Variants in FGGY observed in about 807,000 individuals in gnomAD.
The protein encoded by FGGY is FGGY carbohydrate kinase domain containing, also known as FGGY carbohydrate kinase domain-containing protein.
In FGGY, 72 loss-of-function variants were observed where a neutral mutation model predicts 71.3. The ratio of observed to expected loss-of-function variants is 1.01; its 90% CI spans 0.84 to 1.23. The LOEUF (loss-of-function observed/expected upper bound fraction) is 1.23. Among genes scored for constraint, FGGY ranks in the 50% most tolerant of loss-of-function variants. The pLI is 0.00. For synonymous variants in FGGY, 251 were observed against 250.3 expected (o/e 1.00, Z -0.02); for missense variants, 668 against 682.3 (o/e 0.98, Z 0.23).
At chr1:59,652,483 CT>C (rs1185294923) in intron 11 of FGGY, among the ~76,000 whole-genome samples, 1 of 145,066 alleles carries the variant, frequency 6.9e-6, no homozygotes. Flanking sequence ...AACTTCCCTT[CT>C]TGCTTCATTT....
At chr1:59,367,115 G>A (rs1453938706) in intron 4 of FGGY, among the ~76,000 whole-genome samples, 7 of 152,168 alleles carry the variant, frequency 4.6e-5, no homozygotes, top group Admixed American at 4.6e-4. Context: ...ATAAAGGAAT[G>A]GAATGGGAAG....
At chr1:59,646,683 A>G (rs548256183) in intron 11 of FGGY, among the ~76,000 whole-genome samples, 190 of 152,218 alleles carry the variant, frequency 1.2e-3, no homozygotes, top group African/African-American at 4.5e-3. Flanking sequence ...TCCATGTATC[A>G]TCAACAACCT....
chr1:59,738,072 A>G (rs889503567), intron 14 of FGGY, among the ~76,000 whole-genome samples: 1 of 152,222 alleles, frequency 6.6e-6, no homozygotes, highest in Non-Finnish European at 1.5e-5. Context: ...ACCAAGTCAA[A>G]TAAGCTCCCC....
intron 7 of FGGY, among the ~76,000 whole-genome samples, chr1:59,542,515 G>T (rs12734070): frequency 7.4e-6 from 1 of 135,752 alleles, no homozygotes; most frequent in Non-Finnish European, 1.5e-5. Context: ...GCTGGAGTGC[G>T]ATGGCACGAT....
chr1:59,614,922 C>G (rs1006459464), intron 9 of FGGY, among the ~76,000 whole-genome samples: 16 of 152,204 alleles, frequency 1.1e-4, no homozygotes, highest in African/African-American at 2.6e-4. Context: ...GAATAAAATA[C>G]CTAGGAATCC....
chr1:59,426,335 C>G (rs2066362135), intron 5 of FGGY, among the ~76,000 whole-genome samples: 1 of 151,750 alleles, frequency 6.6e-6, no homozygotes. Flanking sequence ...CATAGAGGGT[C>G]CTGGAAGGCT....
intron 1 of FGGY, among the ~76,000 whole-genome samples, chr1:59,307,509 C>G (rs1254121255): frequency 1.3e-5 from 2 of 152,058 alleles, no homozygotes; most frequent in African/African-American, 4.8e-5. Flanking sequence ...TATTCACTGA[C>G]TCTATGACCC....
intron 9 of FGGY, among the ~76,000 whole-genome samples, chr1:59,625,506 T>G (rs1256330042): frequency 6.6e-6 from 1 of 152,050 alleles, no homozygotes. Context: ...GAGGGTTTTT[T>G]CAAAAACCCT....
At chr1:59,741,180 C>G (rs2098143764) in intron 14 of FGGY, among the ~76,000 whole-genome samples, 1 of 152,140 alleles carries the variant, frequency 6.6e-6, no homozygotes. Flanking sequence ...CCTGTAATCC[C>G]AGCACTTTGG....
intron 14 of FGGY, among the ~76,000 whole-genome samples, chr1:59,740,587 C>A (rs1261556309): frequency 6.6e-6 from 1 of 152,204 alleles, no homozygotes; most frequent in Non-Finnish European, 1.5e-5. Flanking sequence ...TTAGGGCTTT[C>A]TATTGATTAT....
intron 5 of FGGY, among the ~76,000 whole-genome samples, chr1:59,405,348 G>C (rs1396510749): frequency 2.0e-5 from 3 of 152,120 alleles, no homozygotes; most frequent in Admixed American, 2.0e-4. Context: ...ACTTATTCCT[G>C]GTTGCAGGTT....
At chr1:59,640,510 A>T (rs1050681229) in intron 11 of FGGY, among the ~76,000 whole-genome samples, 20 of 152,118 alleles carry the variant, frequency 1.3e-4, no homozygotes, top group African/African-American at 4.3e-4. Flanking sequence ...TAAAGTTGGG[A>T]GTGGGCGAGT....
At chr1:59,440,763 A>G (rs2069644485) in intron 5 of FGGY, among the ~76,000 whole-genome samples, 1 of 150,970 alleles carries the variant, frequency 6.6e-6, no homozygotes, top group South Asian at 2.1e-4. Flanking sequence ...GGGGCGAATA[A>G]CACACCTTTG....
intron 5 of FGGY, among the ~76,000 whole-genome samples, chr1:59,427,311 C>T (rs1355333541): frequency 6.6e-6 from 1 of 152,182 alleles, no homozygotes; most frequent in African/African-American, 2.4e-5. Flanking sequence ...GGGACCAGTG[C>T]ATGCTGGGAA....
At chr1:59,691,529 G>A (rs1030506146) in intron 14 of FGGY, among the ~76,000 whole-genome samples, 3 of 152,154 alleles carry the variant, frequency 2.0e-5, no homozygotes, top group Non-Finnish European at 4.4e-5. Context: ...TTCCGTCTGG[G>A]GATCTGACCT....
At chr1:59,684,096 C>A (rs966844204) in intron 14 of FGGY, among the ~76,000 whole-genome samples, 1 of 152,172 alleles carries the variant, frequency 6.6e-6, no homozygotes, top group African/African-American at 2.4e-5. Flanking sequence ...CTGCATGTGA[C>A]GGGAACAGCC....
At chr1:59,438,356 C>G (rs2068977729) in intron 5 of FGGY, among the ~76,000 whole-genome samples, 1 of 152,190 alleles carries the variant, frequency 6.6e-6, no homozygotes, top group Non-Finnish European at 1.5e-5. Context: ...TGGGAACTTA[C>G]TCACTTCCTT....
At chr1:59,696,243 T>C (rs953917822) in intron 14 of FGGY, among the ~76,000 whole-genome samples, 3 of 152,182 alleles carry the variant, frequency 2.0e-5, no homozygotes, top group Admixed American at 2.0e-4. Context: ...GCATTCTACG[T>C]CCTGGTTTAT....
chr1:59,363,454 G>C (rs775809719), intron 4 of FGGY, among the ~76,000 whole-genome samples: 1 of 152,158 alleles, frequency 6.6e-6, no homozygotes, highest in African/African-American at 2.4e-5. Flanking sequence ...CAACCCTATG[G>C]CATAGGCACT....
Sources: gnomAD v4.1 joint callset for allele counts (sites outside exome capture counted in the v4.1 genomes callset) on GRCh38, gnomAD v4.1.1 for gene constraint, MANE v1.5 for transcripts, NCBI Gene and HGNC (gene_info 2026-07-23, HGNC 2026-07-21) for gene names.